The following MIA2 variants were observed in gnomAD, a reference collection of about 807,000 sequenced individuals.
The protein encoded by MIA2 is melanoma inhibitory activity protein 2.
A neutral mutation model predicts 167.8 loss-of-function variants in MIA2; 127 were observed. That is an observed-to-expected ratio of 0.76 (90% CI 0.66 to 0.88). The LOEUF (loss-of-function observed/expected upper bound fraction) is 0.88. MIA2 is among the 40% of genes least tolerant of loss of function. The pLI, the probability that MIA2 is intolerant of heterozygous loss-of-function variation, is 0.00. For synonymous variants in MIA2, 552 were observed against 541.9 expected, an observed-to-expected ratio of 1.02 and a Z score of -0.26; for missense variants, 1,690 against 1,624.7, an observed-to-expected ratio of 1.04 and a Z score of -0.69.
At chr14:39,290,082 C>CCT (rs2060521192) in intron 9 of MIA2, among the ~76,000 whole-genome samples, 1 of 152,194 alleles carries the variant, frequency 6.6e-6, no homozygotes, top group Non-Finnish European at 1.5e-5. Context: ...AGAACATAGA[C>CCT]ATCTTTGGAC....
At chr14:39,380,552 G>C (rs1698898180) in intron 23 of MIA2, among the ~76,000 whole-genome samples, 1 of 151,978 alleles carries the variant, frequency 6.6e-6, no homozygotes, top group Non-Finnish European at 1.5e-5. Context: ...AATTAGCTGG[G>C]CATGGTGGCA....
chr14:39,260,342 A>G (rs1339675531), intron 6 of MIA2, among the ~76,000 whole-genome samples: 1 of 152,154 alleles, frequency 6.6e-6, no homozygotes, highest in Non-Finnish European at 1.5e-5. Flanking sequence ...AAGCATTCCT[A>G]TTTCCCCACA....
At chr14:39,353,548 T>A (rs751829081), downstream of MIA2, among the ~76,000 whole-genome samples, 6 of 152,192 alleles carry the variant, frequency 3.9e-5, no homozygotes, top group Non-Finnish European at 7.3e-5. Context: ...TGAATAGTAT[T>A]CCTTTGTGTA....
At chr14:39,331,596 G>A (rs1447441314) in intron 25 of MIA2, among the ~76,000 whole-genome samples, 1 of 152,124 alleles carries the variant, frequency 6.6e-6, no homozygotes, top group African/African-American at 2.4e-5. Flanking sequence ...GGCTGGTAGC[G>A]GTTTTTCCCT....
intron 9 of MIA2, among the ~76,000 whole-genome samples, chr14:39,287,712 G>A (rs989569222): frequency 1.3e-5 from 2 of 151,958 alleles, no homozygotes; most frequent in Non-Finnish European, 2.9e-5. Flanking sequence ...ACAGTCATGC[G>A]CCACCATGGC....
chr14:39,310,303 A>G (rs1396068684), intron 18 of MIA2, among the ~76,000 whole-genome samples: 1 of 152,096 alleles, frequency 6.6e-6, no homozygotes, highest in African/African-American at 2.4e-5. Context: ...TTTGCTGGTG[A>G]TTTAGCTGTT....
intron 23 of MIA2, chr14:39,370,628 G>T: frequency 3.0e-6 from 1 of 329,196 alleles, no homozygotes; most frequent in South Asian, 2.8e-5. Context: ...TCCTTCACCA[G>T]CGCCTCTCTG....
intron 6 of MIA2, chr14:39,267,574 C>A (rs753798108): frequency 1.2e-6 from 2 of 1,601,186 alleles, no homozygotes; most frequent in South Asian, 2.2e-5. Context: ...CGGGAGCCGC[C>A]GGGGGAAGGA....
At chr14:39,370,971 A>T (rs1314541665) in intron 23 of MIA2, among the ~76,000 whole-genome samples, 1 of 152,216 alleles carries the variant, frequency 6.6e-6, no homozygotes, top group African/African-American at 2.4e-5. Context: ...ATTTCCTTCA[A>T]ACTTTTATTC....
downstream of MIA2, among the ~76,000 whole-genome samples, chr14:39,351,796 A>G (rs1013767058): frequency 1.3e-5 from 2 of 152,110 alleles, no homozygotes; most frequent in African/African-American, 2.4e-5. Context: ...TTTAGTAGAG[A>G]CAGGGTTTCA....
At chr14:39,354,207 C>T (rs144900195), downstream of MIA2, among the ~76,000 whole-genome samples, 1 of 152,206 alleles carries the variant, frequency 6.6e-6, no homozygotes, top group Non-Finnish European at 1.5e-5. Context: ...CCTGTTTCTC[C>T]ACAACCTTTC....
intron 6 of MIA2, among the ~76,000 whole-genome samples, chr14:39,258,306 C>G (rs765972078): frequency 5.3e-5 from 8 of 152,102 alleles, no homozygotes. Context: ...TTTCTCTAAT[C>G]TTGTCTTCAC....
chr14:39,360,227 G>A (rs562128806), intron 23 of MIA2, among the ~76,000 whole-genome samples: 16 of 152,232 alleles, frequency 1.1e-4, no homozygotes, highest in African/African-American at 3.6e-4. Context: ...ATTTGAACCT[G>A]GGAGGCAGAG....
At chr14:39,341,728 A>G (rs1275169210) in intron 25 of MIA2, among the ~76,000 whole-genome samples, 1 of 152,230 alleles carries the variant, frequency 6.6e-6, no homozygotes, top group Non-Finnish European at 1.5e-5. Context: ...AGTAAAGTGT[A>G]GTATGATTAT....
At chr14:39,274,921 A>G (rs1295878120) in intron 6 of MIA2, among the ~76,000 whole-genome samples, 2 of 150,158 alleles carry the variant, frequency 1.3e-5, no homozygotes, top group East Asian at 4.1e-4. Flanking sequence ...CTAAAAATAT[A>G]AAAACTAGCC....
intron 9 of MIA2, among the ~76,000 whole-genome samples, chr14:39,284,515 C>A (rs10138024): frequency 6.6e-6 from 1 of 151,648 alleles, no homozygotes; most frequent in Non-Finnish European, 1.5e-5. Context: ...CTCAGAATTG[C>A]TTTGACTATT....
chr14:39,253,958 C>A (rs17109073), intron 6 of MIA2, among the ~76,000 whole-genome samples: 41,773 of 152,040 alleles, frequency 0.27, 5,952 homozygotes, highest in East Asian at 0.5. Flanking sequence ...ATGTTCTAAG[C>A]TGAAATTTAA....
intron 9 of MIA2, among the ~76,000 whole-genome samples, chr14:39,285,199 C>G (rs1385206965): frequency 6.6e-6 from 1 of 152,146 alleles, no homozygotes; most frequent in Non-Finnish European, 1.5e-5. Flanking sequence ...TTTTCCCCAC[C>G]TTTCCCCCTT....
intron 6 of MIA2, among the ~76,000 whole-genome samples, chr14:39,258,080 A>G (rs1185257393): frequency 6.6e-6 from 1 of 152,086 alleles, no homozygotes. Flanking sequence ...GCTCTTCTTG[A>G]GGAATATGCT....
Sources: gnomAD v4.1 joint callset for allele counts (sites outside exome capture counted in the v4.1 genomes callset) on GRCh38, gnomAD v4.1.1 for gene constraint, MANE v1.5 for transcripts, NCBI Gene and HGNC (gene_info 2026-07-23, HGNC 2026-07-21) for gene names.